Variants in MMD2 observed in about 807,000 individuals in gnomAD.
The protein encoded by MMD2 is monocyte to macrophage differentiation factor 2.
MMD2 carries 30 observed loss-of-function variants against 33.5 expected under a neutral mutation model. The observed-to-expected ratio is 0.90, with a 90% CI of 0.67 to 1.22. The LOEUF is 1.22. Ranked by LOEUF, MMD2 falls within the 50% of genes most tolerant of loss-of-function variation. The probability of loss-of-function intolerance (pLI) is 0.00; values close to 1 mark genes in which losing one functional copy is unlikely to be tolerated. For missense variants in MMD2, 364 were observed against 325.4 expected (o/e 1.12, Z -0.91); for synonymous variants, 129 against 123.0 (o/e 1.05, Z -0.32).
intron 1 of MMD2, among the ~76,000 whole-genome samples, chr7:4,958,047 G>A (rs1016884051): frequency 7.9e-5 from 12 of 152,168 alleles, no homozygotes; most frequent in African/African-American, 2.7e-4. Context: ...TGGAGCCTCA[G>A]CACACACCAG....
Position 4,929,610 on chromosome 7 carries a change from T to C in MMD2, c.48-4078A>G, listed in dbSNP as rs559096365. On this transcript the variant is annotated intron_variant, in intron 1 of 6. Coordinates refer to ENST00000401401, the MANE Select transcript of MMD2 (RefSeq NM_198403.4). Reference sequence around the variant, plus strand: ...CGCTGTCTTGGCTCACTGCAACCTCTGCCTCCCGGGTTCAAGTGATTATCC... The same window carrying C: ...CGCTGTCTTGGCTCACTGCAACCTCCGCCTCCCGGGTTCAAGTGATTATCC... Among the ~76,000 whole-genome samples the C allele has an allele frequency of 1.7e-4, 25 of 150,716 alleles. No individual in the cohort carries two copies. In the East Asian group the frequency reaches 5.1e-3, roughly 31 times the overall value.
At chr7:4,917,305 G>C (rs1785166139) in intron 3 of MMD2, among the ~76,000 whole-genome samples, 1 of 152,080 alleles carries the variant, frequency 6.6e-6, no homozygotes, top group Non-Finnish European at 1.5e-5. Flanking sequence ...ACCTGACACG[G>C]GGCTGTGGGG....
At chr7:4,911,092 G>T in intron 5 of MMD2, 53 bp downstream of exon 5, 2 of 1,438,270 alleles carry the variant, frequency 1.4e-6, no homozygotes, top group Non-Finnish European at 1.9e-6. Context: ...TGCTGGGGAG[G>T]CCAGAGCATC....
chr7:4,914,495 A>C (rs1189382659), intron 4 of MMD2, among the ~76,000 whole-genome samples: 1 of 151,972 alleles, frequency 6.6e-6, no homozygotes, highest in Non-Finnish European at 1.5e-5. Context: ...TTCAATATTT[A>C]TTTGGTTTTC....
At chr7:4,901,215 C>T (rs181341909), downstream of MMD2, among the ~76,000 whole-genome samples, 22 of 148,204 alleles carry the variant, frequency 1.5e-4, no homozygotes, top group East Asian at 1.8e-3. Flanking sequence ...CCAAGGTGGG[C>T]GGATCACTTG....
the MMD2 span, among the ~76,000 whole-genome samples, chr7:4,897,276 G>T: frequency 6.9e-6 from 1 of 144,910 alleles, no homozygotes; most frequent in Admixed American, 6.9e-5. Context: ...GAGACATCTT[G>T]ATTTTTTTTT....
chr7:4,901,180 C>A (rs1278212702), downstream of MMD2, among the ~76,000 whole-genome samples: 4 of 149,792 alleles, frequency 2.7e-5, no homozygotes, highest in Non-Finnish European at 5.9e-5. Flanking sequence ...GTGGCTCACA[C>A]CTGTAATCCC....
rs1367904723 is a variant in MMD2 at position 4,907,619 on chromosome 7, T to C, written c.538-20A>G. The stretch of plus-strand genomic sequence containing the variant: ...GTTGGGCTGTCGGCAAGGACAAGGG[T>C]GGGGCACAGGTCAGAGGGGCAGTCA... On this transcript the variant is annotated intron_variant, in intron 6 of 6. Transcript: ENST00000401401. 1 of 1,611,342 alleles carries C rather than the reference T, an allele frequency of 6.2e-7. No homozygotes were observed. The highest frequency in any genetic ancestry group is 1.7e-5 in the Admixed American group (1 of 59,958).
At chr7:4,941,976 T>C (rs1376644497) in intron 1 of MMD2, among the ~76,000 whole-genome samples, 1 of 151,922 alleles carries the variant, frequency 6.6e-6, no homozygotes, top group African/African-American at 2.4e-5. Flanking sequence ...ATTTTTGAGA[T>C]GAAGTCTCGC....
intron 2 of MMD2, among the ~76,000 whole-genome samples, chr7:4,924,334 AAC>A (rs1315107934): frequency 6.6e-6 from 1 of 152,258 alleles, no homozygotes; most frequent in African/African-American, 2.4e-5. Flanking sequence ...GCTCAGGCCA[AAC>A]ACACAATAGC....
intron 4 of MMD2, among the ~76,000 whole-genome samples, chr7:4,914,619 C>T (rs989393679): frequency 2.0e-5 from 3 of 152,032 alleles, no homozygotes; most frequent in African/African-American, 7.2e-5. Context: ...TCAATCACAA[C>T]CAGGGGTAAA....
intron 1 of MMD2, among the ~76,000 whole-genome samples, chr7:4,943,450 C>T (rs1785966716): frequency 6.6e-6 from 1 of 152,164 alleles, no homozygotes. Flanking sequence ...GTCAGTCCTG[C>T]CCTTTTCAAC....
At chr7:4,955,984 C>T (rs1324662697) in intron 1 of MMD2, among the ~76,000 whole-genome samples, 35 of 151,926 alleles carry the variant, frequency 2.3e-4, no homozygotes, top group Admixed American at 2.2e-3. Flanking sequence ...ACCTGGGAGG[C>T]GGAGGTTGCA....
At chr7:4,933,928 C>T (rs991781835) in intron 1 of MMD2, among the ~76,000 whole-genome samples, 17 of 145,940 alleles carry the variant, frequency 1.2e-4, no homozygotes, top group South Asian at 2.2e-4. Flanking sequence ...ACACTGTGCC[C>T]GGCCACAATG....
intron 2 of MMD2, among the ~76,000 whole-genome samples, chr7:4,925,016 C>T (rs779465338): frequency 7.2e-5 from 11 of 152,040 alleles, no homozygotes; most frequent in African/African-American, 1.2e-4. Context: ...CTGCAACCTC[C>T]GACTCCTGGG....
At chr7:4,929,293 C>G (rs953918865) in intron 1 of MMD2, among the ~76,000 whole-genome samples, 4 of 152,096 alleles carry the variant, frequency 2.6e-5, no homozygotes, top group Non-Finnish European at 5.9e-5. Context: ...TGCAGCAAGC[C>G]AGAGAGACAC....
chr7:4,947,507 C>T (rs1022079353), intron 1 of MMD2, among the ~76,000 whole-genome samples: 1 of 150,274 alleles, frequency 6.7e-6, no homozygotes, highest in Non-Finnish European at 1.5e-5. Flanking sequence ...GATTCTCCTG[C>T]CTCAGCCTCC....
intron 1 of MMD2, among the ~76,000 whole-genome samples, chr7:4,957,370 C>T (rs1226889050): frequency 1.3e-5 from 2 of 151,454 alleles, no homozygotes; most frequent in African/African-American, 2.4e-5. Context: ...AAACAAAGGC[C>T]GGGGGCGGTG....
At position 4,911,069 on chromosome 7, in the gene MMD2, G is replaced by A. The variant is rs557872864; in HGVS notation, c.467+76C>T. On this transcript the variant is annotated intron_variant, in intron 5 of 6. Transcript: ENST00000401401. The stretch of plus-strand genomic sequence containing the variant: ...GATTATGAGATCATCCTGGACTCTC[G>A]GCAGCCCAGGAGTGCTGGGGAGGCC... The A allele has an allele frequency of 7.5e-5, 94 of 1,245,082 alleles. No homozygotes were observed. The South Asian group carries it at 8.6e-4, about 11-fold the overall frequency. 77.1% of individuals were successfully genotyped at this position (1,245,082 alleles called of 1,614,324 possible).
Sources: allele counts gnomAD v4.1 joint callset (sites outside exome capture counted in the v4.1 genomes callset), GRCh38; gene constraint gnomAD v4.1.1; transcripts MANE v1.5; gene names NCBI Gene and HGNC (gene_info 2026-07-23, HGNC 2026-07-21).